The following KAZN variants were observed in gnomAD, a reference collection of about 807,000 sequenced individuals.
KAZN encodes kazrin, periplakin interacting protein.
Under a neutral mutation model 87.4 loss-of-function variants are expected in KAZN, and 40 were observed. The ratio of observed to expected loss-of-function variants is 0.46; its 90% CI spans 0.36 to 0.60. KAZN has a LOEUF of 0.60. Among genes scored for constraint, KAZN ranks in the 20% least tolerant of loss-of-function variants. KAZN has a pLI of 0.00. For synonymous variants in KAZN, 466 were observed against 458.3 expected (o/e 1.02, Z -0.22); for missense variants, 898 against 1,073.9 (o/e 0.84, Z 2.29).
Position 15,096,981 on chromosome 1 carries a change from C to G in KAZN, c.1547+2048C>G, listed in dbSNP as rs61772225. Among the ~76,000 whole-genome samples, 1 of 151,650 alleles carries G rather than the reference C, an allele frequency of 6.6e-6. No homozygotes were observed. On this transcript the variant is annotated intron_variant, in intron 10 of 14. Coordinates refer to ENST00000376030, the MANE Select transcript of KAZN (RefSeq NM_201628.3). This position sits in a 1 kb window ranked among gnomAD's most constrained non-coding sequence, Gnocchi z 4.5. Reference sequence around the variant, plus strand: ...TCTGTGGTCCCAGGGATCGTGGAGCCCCACCCTTAGACACCCCCAGGGCTT... The same window carrying G: ...TCTGTGGTCCCAGGGATCGTGGAGCGCCACCCTTAGACACCCCCAGGGCTT...
intron 1 of KAZN, among the ~76,000 whole-genome samples, chr1:14,958,619 C>T (rs1048330055): frequency 3.9e-5 from 6 of 152,188 alleles, no homozygotes; most frequent in Admixed American, 6.5e-5. Flanking sequence ...CATGCCTGGC[C>T]GGAGACCTGG....
intron 1 of KAZN, among the ~76,000 whole-genome samples, chr1:14,171,737 C>T (rs1422290670): frequency 1.3e-5 from 2 of 152,164 alleles, no homozygotes; most frequent in Non-Finnish European, 2.9e-5. Flanking sequence ...TATGACTCAT[C>T]TGGTATATTT....
intron 2 of KAZN, among the ~76,000 whole-genome samples, chr1:14,272,362 CTG>C (rs1320478139): frequency 2.0e-5 from 3 of 152,282 alleles, no homozygotes; most frequent in Admixed American, 2.0e-4. Flanking sequence ...GTCTAGGAAA[CTG>C]TGTTTGGCGT....
intron 2 of KAZN, among the ~76,000 whole-genome samples, chr1:14,385,419 G>A (rs1661786530): frequency 6.6e-6 from 1 of 151,848 alleles, no homozygotes; most frequent in Non-Finnish European, 1.5e-5. Context: ...TGTCAATTTT[G>A]GATCTTTCCT....
intron 1 of KAZN, among the ~76,000 whole-genome samples, chr1:14,959,499 G>A (rs767854437): frequency 2.0e-5 from 3 of 152,168 alleles, no homozygotes; most frequent in Non-Finnish European, 4.4e-5. Flanking sequence ...GTCCCTCTGA[G>A]ATGTAAAATG....
chr1:14,661,632 C>T (rs1639169884), intron 1 of KAZN, among the ~76,000 whole-genome samples: 1 of 130,642 alleles, frequency 7.7e-6, no homozygotes, highest in South Asian at 2.5e-4. Context: ...TAGCTCACAC[C>T]TGTAATCCCA....
intron 11 of KAZN, 101 bp downstream of exon 11, chr1:15,101,875 A>T: frequency 1.4e-6 from 1 of 727,694 alleles, no homozygotes; most frequent in South Asian, 1.7e-5. Flanking sequence ...CCGTCTATCC[A>T]TCTGTCCACC....
At chr1:14,496,977 G>T (rs528997867) in intron 2 of KAZN, among the ~76,000 whole-genome samples, 1 of 152,236 alleles carries the variant, frequency 6.6e-6, no homozygotes, top group East Asian at 1.9e-4. Context: ...CTGAGAAATG[G>T]ATCTTTACCA....
rs907025687 is a variant in KAZN at position 14,112,299 on chromosome 1, G to A, written c.92-68136G>A. 7.5e-5 allele frequency among the ~76,000 whole-genome samples: 10 copies of A among 133,848 alleles called. 2 individuals carry two copies. The highest frequency in any genetic ancestry group is 2.6e-4 in the African/African-American group (9 of 34,410). 87.8% of individuals were successfully genotyped at this position (133,848 alleles called of 152,430 possible). A position where few individuals can be genotyped will look rare whatever the true frequency, so the allele number is the denominator to read the frequency against. On this transcript the variant is annotated intron_variant, in intron 1 of 16. Transcript: ENST00000636203. ...AGCTCCTGATCTGGTGTGTTCATTC[G>A]TGTATCTGCAGCACTGAGAACACTG...
At chr1:14,932,442 A>G (rs12142668) in intron 1 of KAZN, among the ~76,000 whole-genome samples, 12,106 of 152,090 alleles carry the variant, frequency 0.08, 671 homozygotes, top group East Asian at 0.24. Context: ...GGGGCCTGGG[A>G]GGTTTCGAGG....
intron 2 of KAZN, among the ~76,000 whole-genome samples, chr1:14,556,114 T>TC (rs70997160): frequency 1.8e-5 from 1 of 55,138 alleles, no homozygotes; most frequent in East Asian, 2.7e-4. Flanking sequence ...TTCTTTTTAC[T>TC]TTTTTTTTTT....
intron 1 of KAZN, among the ~76,000 whole-genome samples, chr1:14,139,976 A>ATG (rs1333577253): frequency 9.7e-5 from 3 of 30,982 alleles, no homozygotes; most frequent in Non-Finnish European, 9.9e-5. Flanking sequence ...TGTGGTATGT[A>ATG]TGTGTGTGTG....
chr1:15,086,266 T>C (rs987867818), intron 8 of KAZN, among the ~76,000 whole-genome samples: 4 of 152,208 alleles, frequency 2.6e-5, no homozygotes, highest in Non-Finnish European at 5.9e-5. Context: ...CCACCATGCC[T>C]GGCTGACAAA....
chr1:14,476,997 T>A (rs1238160282), intron 2 of KAZN, among the ~76,000 whole-genome samples: 1 of 152,210 alleles, frequency 6.6e-6, no homozygotes, highest in Non-Finnish European at 1.5e-5. Flanking sequence ...CATGTCTCAA[T>A]GTAAATGTCA....
intron 1 of KAZN, among the ~76,000 whole-genome samples, chr1:14,809,255 C>T (rs182557327): frequency 9.8e-4 from 149 of 152,264 alleles, no homozygotes; most frequent in Non-Finnish European, 1.7e-3. Context: ...GGCCGGGAAG[C>T]GGTCATCAGT....
At chr1:14,110,558 C>A (rs890806867) in intron 1 of KAZN, among the ~76,000 whole-genome samples, 1 of 151,988 alleles carries the variant, frequency 6.6e-6, no homozygotes, top group Non-Finnish European at 1.5e-5. Context: ...TATTGCATAT[C>A]TATCTATTTC....
At chr1:14,576,828 A>T (rs949247321) in intron 2 of KAZN, among the ~76,000 whole-genome samples, 1 of 152,220 alleles carries the variant, frequency 6.6e-6, no homozygotes, top group South Asian at 2.1e-4. Flanking sequence ...AGCAAATAAT[A>T]CTTATTGAAA....
intron 1 of KAZN, among the ~76,000 whole-genome samples, chr1:14,831,496 T>A (rs1647047869): frequency 1.3e-5 from 2 of 152,160 alleles, no homozygotes; most frequent in South Asian, 4.1e-4. Flanking sequence ...CTCTGTCACA[T>A]AAAATGAAGA....
intron 1 of KAZN, among the ~76,000 whole-genome samples, chr1:14,086,126 G>A (rs1218158054): frequency 6.6e-6 from 1 of 152,132 alleles, no homozygotes; most frequent in Non-Finnish European, 1.5e-5. Flanking sequence ...AGTTTTAGGA[G>A]TTCTTCATAT....
Sources: gnomAD v4.1 joint callset for allele counts (sites outside exome capture counted in the v4.1 genomes callset) on GRCh38, gnomAD v4.1.1 for gene constraint, Gnocchi (gnomAD v3.1) non-coding constraint, MANE v1.5 for transcripts, NCBI Gene and HGNC (gene_info 2026-07-23, HGNC 2026-07-21) for gene names.